ARL15: variants seen among roughly 807,000 people sequenced by gnomAD.
ARL15 encodes the protein ARF like GTPase 15, also known as ADP-ribosylation factor-like protein 15.
Under a neutral mutation model 25.2 loss-of-function variants are expected in ARL15, and 19 were observed. That is an observed-to-expected ratio of 0.75 (90% CI 0.53 to 1.10). The LOEUF (loss-of-function observed/expected upper bound fraction) is 1.10. Among genes scored for constraint, ARL15 ranks in the 50% least tolerant of loss-of-function variants. ARL15 has a pLI of 0.00. For synonymous variants in ARL15, 94 were observed against 86.8 expected (o/e 1.08, Z -0.46); for missense variants, 220 against 246.0 (o/e 0.89, Z 0.71).
At chr5:54,279,972 T>C (rs1466841049) in intron 1 of ARL15, among the ~76,000 whole-genome samples, 1 of 152,210 alleles carries the variant, frequency 6.6e-6, no homozygotes, top group Non-Finnish European at 1.5e-5. Context: ...GCAGAAATTG[T>C]GTTTCTACTG....
intron 2 of ARL15, among the ~76,000 whole-genome samples, chr5:54,156,336 T>G (rs1016174357): frequency 6.6e-6 from 1 of 152,236 alleles, no homozygotes; most frequent in Non-Finnish European, 1.5e-5. Flanking sequence ...TTGCTCGACT[T>G]TCTCATCTGT....
chr5:54,046,571 A>G (rs1750522899), intron 4 of ARL15, among the ~76,000 whole-genome samples: 1 of 152,196 alleles, frequency 6.6e-6, no homozygotes, highest in Non-Finnish European at 1.5e-5. Context: ...AATACAAACC[A>G]GTTTGAATGA....
intron 1 of ARL15, among the ~76,000 whole-genome samples, chr5:54,294,953 T>C (rs16882609): frequency 0.087 from 13,284 of 152,300 alleles, 875 homozygotes; most frequent in African/African-American, 0.18. Flanking sequence ...ATGAGCTTAC[T>C]ATAACTCTTG....
chr5:53,990,759 C>T (rs965270143), intron 4 of ARL15, among the ~76,000 whole-genome samples: 1 of 152,118 alleles, frequency 6.6e-6, no homozygotes, highest in African/African-American at 2.4e-5. Context: ...CCTGGGGATG[C>T]TCATATCACA....
At chr5:54,004,784 T>C (rs1475085026) in intron 4 of ARL15, among the ~76,000 whole-genome samples, 1 of 145,954 alleles carries the variant, frequency 6.9e-6, no homozygotes, top group East Asian at 1.9e-4. Flanking sequence ...TTTGTGTGTG[T>C]GTGCCTGTGT....
intron 1 of ARL15, among the ~76,000 whole-genome samples, chr5:54,207,366 C>A (rs944659538): frequency 6.6e-6 from 1 of 152,196 alleles, no homozygotes; most frequent in Admixed American, 6.5e-5. Context: ...CAGTTACAAG[C>A]ATCTAAACAC....
chr5:54,117,388 C>CACACAT (rs1752935817), intron 3 of ARL15, among the ~76,000 whole-genome samples: 1 of 151,558 alleles, frequency 6.6e-6, no homozygotes, highest in South Asian at 2.1e-4. Flanking sequence ...CACACACACA[C>CACACAT]ACACACACAC....
chr5:53,920,092 G>A (rs939365203), intron 4 of ARL15, among the ~76,000 whole-genome samples: 1 of 152,146 alleles, frequency 6.6e-6, no homozygotes, highest in Non-Finnish European at 1.5e-5. Context: ...ATAGAAAGCT[G>A]TAATATGTGA....
chr5:54,219,876 GA>G (rs1003798739), intron 1 of ARL15, among the ~76,000 whole-genome samples: 34 of 152,090 alleles, frequency 2.2e-4, no homozygotes, highest in African/African-American at 8.0e-4. Flanking sequence ...GAACTAAAAT[GA>G]AAAGGACAAA....
chr5:54,204,509 T>C (rs1755811365), intron 1 of ARL15, among the ~76,000 whole-genome samples: 1 of 152,202 alleles, frequency 6.6e-6, no homozygotes, highest in African/African-American at 2.4e-5. Flanking sequence ...TAAATATGAA[T>C]CTCCATTATC....
chr5:53,920,397 T>C (rs1745808283), intron 4 of ARL15, among the ~76,000 whole-genome samples: 1 of 152,140 alleles, frequency 6.6e-6, no homozygotes, highest in South Asian at 2.1e-4. Flanking sequence ...AAATGGCTCT[T>C]CAACACAAAG....
intron 4 of ARL15, among the ~76,000 whole-genome samples, chr5:53,989,573 AGG>A (rs978200672): frequency 4.1e-5 from 4 of 97,338 alleles, no homozygotes; most frequent in African/African-American, 1.0e-4. Flanking sequence ...CTTACCAGGG[AGG>A]GGTGTGTGTG....
chr5:54,105,771 C>T (rs929827224), intron 4 of ARL15, among the ~76,000 whole-genome samples: 12 of 152,096 alleles, frequency 7.9e-5, no homozygotes, highest in East Asian at 3.9e-4. Flanking sequence ...TTAGTAGAGA[C>T]GGAGTTTCAC....
chr5:53,932,177 G>A (rs1746213929), intron 4 of ARL15, among the ~76,000 whole-genome samples: 1 of 152,228 alleles, frequency 6.6e-6, no homozygotes, highest in Non-Finnish European at 1.5e-5. Context: ...ATAGGCATGA[G>A]TGTTTTCAAA....
chr5:53,912,184 T>C (rs770696635), intron 4 of ARL15: 3 of 152,154 alleles, frequency 2.0e-5, no homozygotes, highest in Non-Finnish European at 2.9e-5. Context: ...CGTCAGTCCA[T>C]TGAGGAAAGT....
At chr5:54,004,617 C>T (rs933327252) in intron 4 of ARL15, among the ~76,000 whole-genome samples, 1 of 152,112 alleles carries the variant, frequency 6.6e-6, no homozygotes, top group African/African-American at 2.4e-5. Flanking sequence ...CTGTTATCCA[C>T]TTATGTATTG....
At chr5:54,025,478 T>C (rs1749762680) in intron 4 of ARL15, among the ~76,000 whole-genome samples, 1 of 152,140 alleles carries the variant, frequency 6.6e-6, no homozygotes, top group African/African-American at 2.4e-5. Flanking sequence ...TGAGGCAAAT[T>C]TCTAGTACAT....
At chr5:54,043,252 T>C (rs1281945225) in intron 4 of ARL15, among the ~76,000 whole-genome samples, 2 of 152,164 alleles carry the variant, frequency 1.3e-5, no homozygotes, top group South Asian at 4.1e-4. Flanking sequence ...TTAAACAAGC[T>C]TATCTTTCCC....
rs369458452 is a variant in ARL15, at chr5:54,052,638, G to T, written c.462+60564C>A. ...AAAAACGCTAGAATGATCCTTATGGGAATGAATTAGAGCTGAAGACCTCAG... is the reference window on the plus strand; with the variant it reads ...AAAAACGCTAGAATGATCCTTATGGTAATGAATTAGAGCTGAAGACCTCAG... On this transcript the variant is annotated intron_variant, in intron 4 of 4. Transcript: ENST00000504924. Among the ~76,000 whole-genome samples the T allele has an allele frequency of 4.3e-4, 66 of 152,230 alleles. 1 individual carries two copies. The South Asian group carries it at 0.013, about 30-fold the overall frequency.
Sources: allele counts gnomAD v4.1 joint callset (sites outside exome capture counted in the v4.1 genomes callset), GRCh38; gene constraint gnomAD v4.1.1; transcripts MANE v1.5; gene names NCBI Gene and HGNC (gene_info 2026-07-23, HGNC 2026-07-21).